Variants in SON observed in about 807,000 individuals in gnomAD.
The protein encoded by SON is SON DNA and RNA binding protein.
In SON, 4 loss-of-function variants were observed where a neutral mutation model predicts 173.3. The observed-to-expected ratio is 0.02, with a 90% confidence interval of 0.01 to 0.05. The LOEUF (loss-of-function observed/expected upper bound fraction) is 0.05. Ranked by LOEUF, SON falls within the 10% of genes least tolerant of loss-of-function variation. The pLI, the probability that SON is intolerant of heterozygous loss-of-function variation, is 1.00. For synonymous variants in SON, 1,190 were observed against 1,105.9 expected, an observed-to-expected ratio of 1.08 and a Z score of -1.51; for missense variants, 2,626 against 3,055.3, an observed-to-expected ratio of 0.86 and a Z score of 3.31.
chr21:33,559,180 G>T lies in SON; in HGVS notation c.6322-50G>T, dbSNP rs144023949. The T allele has an allele frequency of 4.5e-4, 625 of 1,381,906 alleles. 3 individuals are homozygous for T. In the African/African-American group the frequency reaches 8.6e-3, roughly 19 times the overall value. 85.6% of individuals were successfully genotyped at this position (1,381,906 alleles called of 1,614,324 possible). A position where few individuals can be genotyped will look rare whatever the true frequency, so the allele number is the denominator to read the frequency against. On this transcript the variant is annotated intron_variant, in intron 4 of 11. Coordinates refer to ENST00000356577, the MANE Select transcript of SON (RefSeq NM_138927.4). The surrounding 1 kb of genome is among the most constrained non-coding windows in gnomAD (Gnocchi z 4.1). ...TGGTTTTGATTCTAAGAAATTACAT[G>T]TTCTACATAAAGCGTAAGATTTATC...
chr21:33,558,292 A>T (rs2086006035), intron 4 of SON: 3 of 152,330 alleles, frequency 2.0e-5, no homozygotes, highest in Admixed American at 1.3e-4. Flanking sequence ...TCAGGAAGGA[A>T]TTGACTTTGC....
intron 1 of SON, among the ~76,000 whole-genome samples, chr21:33,543,969 T>TA (rs1443947667): frequency 1.3e-5 from 2 of 152,226 alleles, no homozygotes; most frequent in East Asian, 3.8e-4. Flanking sequence ...AAGAGATTGT[T>TA]AAAGAAATGG....
In SON at chr21:33,554,412, T is replaced by C. The variant is rs1422418839; in HGVS notation, c.5181T>C (p.Asp1727=). 2 of 1,614,154 alleles carry C rather than the reference T, an allele frequency of 1.2e-6. No homozygotes were observed. Among genetic ancestry groups the C allele is most frequent in the East Asian group, 4.5e-5 (2 of 44,884 alleles). Residue 1727 remains aspartate, a synonymous_variant, in exon 3 of 12, where the codon GAT becomes GAC. Coordinates refer to ENST00000356577, the MANE Select transcript of SON (RefSeq NM_138927.4). The part of the protein sequence containing the change: ...PDSGFSANIE[D]INEADLVRPL... ...CAGGATTTTCTGCCAATATTGAGGATATTAATGAAGCAGATTTAGTGAGAC... is the reference window on the plus strand; with the variant it reads ...CAGGATTTTCTGCCAATATTGAGGACATTAATGAAGCAGATTTAGTGAGAC...
intron 6 of SON, among the ~76,000 whole-genome samples, chr21:33,561,650 A>G (rs1024930056): frequency 1.3e-5 from 2 of 152,110 alleles, no homozygotes; most frequent in Admixed American, 1.3e-4. Flanking sequence ...GTGTGCGTCT[A>G]TTTATTTGAA....
At chr21:33,543,272 C>T in intron 1 of SON, 103 bp downstream of exon 1, 2 of 1,113,564 alleles carry the variant, frequency 1.8e-6, no homozygotes, top group Non-Finnish European at 2.7e-6. Context: ...CCGGCTCAGG[C>T]CCCGCTAGGG....
Position 33,554,137 on chromosome 21 carries a change from G to A in SON, c.4906G>A (p.Asp1636Asn), listed in dbSNP as rs757122380. Reference sequence around the variant, plus strand: ...TGTTGATTTATCTTTAACTACTCAAGATACTGAACATGACATGGTAATTTC... The same window carrying A: ...TGTTGATTTATCTTTAACTACTCAAAATACTGAACATGACATGGTAATTTC... Reference protein sequence around the residue: ...YDVDLSLTTQDTEHDMVISTS... With the variant: ...YDVDLSLTTQNTEHDMVISTS... The change falls in exon 3 of 12, where the codon GAT (aspartate) becomes AAT (asparagine). Residue 1636 changes from aspartate to asparagine, a missense_variant. Physicochemically the swap from Asp to Asn is conservative, Grantham distance 23. This residue lies in a region of SON where 1,006 missense variants were observed against 895.6 expected (regional missense o/e 1.12). Transcript: ENST00000356577. 47 of 1,613,960 alleles carry A rather than the reference G, an allele frequency of 2.9e-5. No individual in the cohort carries two copies. The highest frequency in any genetic ancestry group is 3.4e-5 in the Non-Finnish European group (40 of 1,179,970).
At chr21:33,556,646 G>A (rs2085972116) in intron 3 of SON, among the ~76,000 whole-genome samples, 1 of 151,164 alleles carries the variant, frequency 6.6e-6, no homozygotes, top group Non-Finnish European at 1.5e-5. Flanking sequence ...CCTGGGAGGT[G>A]GAAGTTGCAG....
rs2145836822 is a variant in SON, at chr21:33,554,380, C to T, written c.5149C>T (p.Pro1717Ser). ...ACCTCCCCCTCCTAAAGAGACACTG[C>T]CTGATTCAGGATTTTCTGCCAATAT... ...EVPPPPKETL[P>S]DSGFSANIED... Residue 1717 changes from proline to serine, a missense_variant, in exon 3 of 12, where the codon CCT becomes TCT. Physicochemically the swap from Pro to Ser is moderately conservative, Grantham distance 74 (BLOSUM62 -1). This residue lies in a region of SON where 1,006 missense variants were observed against 895.6 expected (regional missense o/e 1.12). Transcript: ENST00000356577. 2 of 1,614,148 alleles carry T rather than the reference C, an allele frequency of 1.2e-6. No homozygotes were observed. Among genetic ancestry groups the T allele is most frequent in the Non-Finnish European group, 1.7e-6 (2 of 1,180,010 alleles).
chr21:33,570,993 G>C (rs973795194), intron 8 of SON, among the ~76,000 whole-genome samples: 6 of 122,024 alleles, frequency 4.9e-5, no homozygotes, highest in Non-Finnish European at 8.3e-5. Context: ...TTGCAGTCTT[G>C]TAGGCAGTTA....
At chr21:33,546,419 T>C in intron 2 of SON, 40 bp downstream of exon 2, 2 of 1,533,234 alleles carry the variant, frequency 1.3e-6, no homozygotes, top group Non-Finnish European at 1.8e-6. Context: ...AATTTTCTTT[T>C]AAGATTTTTT....
In SON at chr21:33,550,744, GAAC is replaced by G. The variant is rs1351089487; in HGVS notation, c.1517_1519del (p.Gln506del). 6.2e-7 allele frequency: 1 copy of G among 1,614,062 alleles called. No individual in the cohort carries two copies. The highest frequency in any genetic ancestry group is 8.5e-7 in the Non-Finnish European group (1 of 1,180,032). On this transcript the variant is annotated inframe_deletion, in exon 3 of 12. Coordinates refer to ENST00000356577, the MANE Select transcript of SON (RefSeq NM_138927.4). ...GGTAACAGTAGCAATGGAGTTGACC[GAAC>G]AACCTGTGACGACGACAGAGTTGGA...
In SON at chr21:33,543,116, T is replaced by C. The variant is rs1024215585; in HGVS notation, c.24T>C (p.Ile8=). Residue 8 remains isoleucine, a synonymous_variant, in exon 1 of 12, where the codon ATT becomes ATC. Coordinates refer to ENST00000356577, the MANE Select transcript of SON (RefSeq NM_138927.4). The part of the protein sequence containing the change: MATNIEQ[I]FRSFVVSKFR... ...CCATGGCGACCAACATCGAGCAGAT[T>C]TTTAGGTCTTTCGTGGTCAGTAAAT... The C allele has an allele frequency of 2.5e-6, 4 of 1,614,186 alleles. No individual in the cohort carries two copies. Among genetic ancestry groups the C allele is most frequent in the Non-Finnish European group, 3.4e-6 (4 of 1,180,024 alleles).
rs745396554 is a variant in SON at position 33,553,486 on chromosome 21, G to T, written c.4255G>T (p.Val1419Phe). The change falls in exon 3 of 12, where the codon GTT (valine) becomes TTT (phenylalanine). Residue 1419 changes from valine (V) to phenylalanine (F), a missense_variant. Physicochemically the swap from Val to Phe is conservative, Grantham distance 50. Coordinates refer to ENST00000356577, the MANE Select transcript of SON (RefSeq NM_138927.4). ...VVSALEPSVP[V>F]LEPAVSVLQP... is the part of the protein sequence containing the mutation. Reference sequence around the variant, plus strand: ...TTCTGCGCTGGAGCCTTCTGTGCCTGTTCTGGAACCAGCGGTGTCAGTCCT... The same window carrying T: ...TTCTGCGCTGGAGCCTTCTGTGCCTTTTCTGGAACCAGCGGTGTCAGTCCT... 9 of 1,614,224 alleles carry T rather than the reference G, an allele frequency of 5.6e-6. No individual in the cohort carries two copies. The Admixed American group carries it at 1.3e-4, about 24-fold the overall frequency.
chr21:33,567,015 G>T (rs1480723553), intron 6 of SON, 142 bp from the exon 7 acceptor site: 3 of 507,594 alleles, frequency 5.9e-6, no homozygotes, highest in Non-Finnish European at 1.1e-5. Context: ...CTCTTTCTGA[G>T]TCTTCTCCCT....
At chr21:33,548,437 A>G (rs2085674757) in intron 2 of SON, among the ~76,000 whole-genome samples, 2 of 152,182 alleles carry the variant, frequency 1.3e-5, no homozygotes, top group South Asian at 4.1e-4. Flanking sequence ...GGGGGAAAAT[A>G]TTATTTTTAT....
chr21:33,554,599 T>G lies in SON; in HGVS notation c.5368T>G (p.Tyr1790Asp). 1 of 1,613,732 alleles carries G rather than the reference T, an allele frequency of 6.2e-7. No individual in the cohort carries two copies. Among genetic ancestry groups the G allele is most frequent in the Non-Finnish European group, 8.5e-7 (1 of 1,179,978 alleles). Residue 1790 changes from tyrosine to aspartate, a missense_variant, in exon 3 of 12, where the codon TAT becomes GAT. Coordinates refer to ENST00000356577, the MANE Select transcript of SON (RefSeq NM_138927.4). ...GTCTTCTTCAGAGGAAAAAGATGAT[T>G]ATGAAATTTTTGTAAAAGTTAAGGA... ...SESSSEEKDD[Y>D]EIFVKVKDTH... is the part of the protein sequence containing the mutation.
At chr21:33,561,146 G>A (rs189899969) in intron 6 of SON, among the ~76,000 whole-genome samples, 1 of 152,250 alleles carries the variant, frequency 6.6e-6, no homozygotes, top group Non-Finnish European at 1.5e-5. Context: ...TACAGTTACT[G>A]GTGATAATCT....
chr21:33,557,570 A>T, intron 4 of SON: 1 of 1,550,568 alleles, frequency 6.4e-7, no homozygotes. Flanking sequence ...CTGACTGAGG[A>T]GTGGGACGGT....
Position 33,550,641 on chromosome 21 carries a change from A to G in SON, c.1410A>G (p.Pro470=), listed in dbSNP as rs760022139. ...GGTTGGAGCCACCACAGGAGGTACCAGAGCCACCTGTGATGGCACAGGAGT... is the reference window on the plus strand; with the variant it reads ...GGTTGGAGCCACCACAGGAGGTACCGGAGCCACCTGTGATGGCACAGGAGT... ...SMGLEPPQEV[P]EPPVMAQELP... Residue 470 remains proline, a synonymous_variant, in exon 3 of 12, where the codon CCA becomes CCG. Transcript: ENST00000356577. 3 of 1,613,718 alleles carry G rather than the reference A, an allele frequency of 1.9e-6. No individual in the cohort carries two copies. Among genetic ancestry groups the G allele is most frequent in the Non-Finnish European group, 2.5e-6 (3 of 1,179,870 alleles).
Sources: gnomAD v4.1 joint callset for allele counts (sites outside exome capture counted in the v4.1 genomes callset) on GRCh38, gnomAD v4.1.1 for gene constraint, gnomAD v4.1.1 regional missense constraint, Gnocchi (gnomAD v3.1) non-coding constraint, MANE v1.5 for transcripts, NCBI Gene and HGNC (gene_info 2026-07-23, HGNC 2026-07-21) for gene names.